The following STK4 variants were observed in gnomAD, a reference collection of about 807,000 sequenced individuals.
STK4 encodes serine/threonine-protein kinase 4.
Under a neutral mutation model 64.9 loss-of-function variants are expected in STK4, and 30 were observed. The observed-to-expected ratio is 0.46, with a 90% CI of 0.35 to 0.63. The LOEUF is 0.63. STK4 is among the 20% of genes least tolerant of loss of function. STK4 has a pLI of 0.01. For synonymous variants in STK4, 177 were observed against 199.0 expected (o/e 0.89, Z 0.93); for missense variants, 466 against 598.5 (o/e 0.78, Z 2.31).
At chr20:45,074,749 T>C (rs376669240) in intron 10 of STK4, among the ~76,000 whole-genome samples, 1 of 152,188 alleles carries the variant, frequency 6.6e-6, no homozygotes, top group East Asian at 1.9e-4. Context: ...GAGAGTATTA[T>C]TCACTAAGTT....
rs2068554891 is a variant in STK4 at position 45,038,070 on chromosome 20, A to T, written c.1305+12940A>T. On this transcript the variant is annotated intron_variant, in intron 10 of 10. Transcript: ENST00000372806. Reference sequence around the variant, plus strand: ...CTCTCCCAAAACATTTGGTGAAATTATTGTTCATTTATTTCAAAGTGACTC... The same window carrying T: ...CTCTCCCAAAACATTTGGTGAAATTTTTGTTCATTTATTTCAAAGTGACTC... Among the ~76,000 whole-genome samples the T allele has an allele frequency of 2.0e-5, 3 of 152,162 alleles. No individual in the cohort carries two copies. In the South Asian group the frequency reaches 6.2e-4, roughly 31 times the overall value.
chr20:45,046,097 G>A (rs2068690590), intron 10 of STK4, among the ~76,000 whole-genome samples: 1 of 151,914 alleles, frequency 6.6e-6, no homozygotes, highest in African/African-American at 2.4e-5. Context: ...CTGAGCCACC[G>A]CACCTAGCCA....
At chr20:44,992,681 T>C (rs1046386193) in intron 5 of STK4, among the ~76,000 whole-genome samples, 1 of 148,168 alleles carries the variant, frequency 6.7e-6, no homozygotes, top group Non-Finnish European at 1.5e-5. Flanking sequence ...TAATGTACTG[T>C]TTTTTTTTTG....
intron 3 of STK4, 97 bp downstream of exon 3, chr20:44,978,668 T>C: frequency 3.8e-6 from 5 of 1,331,682 alleles, no homozygotes; most frequent in Non-Finnish European, 5.0e-6. Context: ...CTTAGATATT[T>C]TGCAGAAGGG....
intron 10 of STK4, among the ~76,000 whole-genome samples, chr20:45,036,348 C>T (rs1321758207): frequency 2.0e-5 from 3 of 152,208 alleles, no homozygotes; most frequent in East Asian, 1.9e-4. Flanking sequence ...CGCATCATCC[C>T]GCCTGGGACA....
chr20:45,049,988 C>T (rs1241324987), intron 10 of STK4, among the ~76,000 whole-genome samples: 1 of 152,188 alleles, frequency 6.6e-6, no homozygotes, highest in Non-Finnish European at 1.5e-5. Flanking sequence ...TCAAGTTAGA[C>T]TAGATGACCT....
At chr20:44,978,867 C>A (rs1474449040) in intron 3 of STK4, among the ~76,000 whole-genome samples, 1 of 149,246 alleles carries the variant, frequency 6.7e-6, no homozygotes. Flanking sequence ...GGTGCAATCT[C>A]GGCTCATTGC....
At chr20:45,074,955 T>G in intron 10 of STK4, 63 bp from the exon 11 acceptor site, 1 of 1,600,546 alleles carries the variant, frequency 6.2e-7, no homozygotes, top group Non-Finnish European at 8.5e-7. Context: ...AAGGCTGGGC[T>G]TCTGCACTGT....
At chr20:45,071,327 G>C (rs1037674742) in intron 10 of STK4, among the ~76,000 whole-genome samples, 2 of 152,240 alleles carry the variant, frequency 1.3e-5, no homozygotes, top group African/African-American at 4.8e-5. Context: ...TTTACTGCAA[G>C]ATATTCATTT....
At chr20:44,984,321 G>T (rs1446146420) in intron 4 of STK4, among the ~76,000 whole-genome samples, 2 of 147,808 alleles carry the variant, frequency 1.4e-5, no homozygotes, top group African/African-American at 5.0e-5. Flanking sequence ...TAGCCTCCCT[G>T]GTAGCTGTAC....
intron 10 of STK4, among the ~76,000 whole-genome samples, chr20:45,066,129 T>C (rs1979544877): frequency 6.6e-6 from 1 of 151,988 alleles, no homozygotes; most frequent in Admixed American, 6.6e-5. Flanking sequence ...AAATTGTGTA[T>C]GTGTATATAT....
At chr20:44,996,550 G>T (rs2067734102) in intron 6 of STK4, among the ~76,000 whole-genome samples, 1 of 152,068 alleles carries the variant, frequency 6.6e-6, no homozygotes, top group Non-Finnish European at 1.5e-5. Context: ...CTGCTTATTT[G>T]TATAGTGTTT....
At chr20:45,029,795 A>G (rs1018679748) in intron 10 of STK4, among the ~76,000 whole-genome samples, 2 of 152,208 alleles carry the variant, frequency 1.3e-5, no homozygotes, top group Non-Finnish European at 2.9e-5. Context: ...AAAGGTTTTT[A>G]CAGTAGTATA....
At chr20:45,073,689 A>G (rs537441900) in intron 10 of STK4, among the ~76,000 whole-genome samples, 2 of 152,082 alleles carry the variant, frequency 1.3e-5, no homozygotes, top group Non-Finnish European at 2.9e-5. Flanking sequence ...ATTCATTCCC[A>G]CCCCTGACAG....
chr20:45,015,279 A>C (rs1316729399), intron 9 of STK4, among the ~76,000 whole-genome samples: 1 of 152,144 alleles, frequency 6.6e-6, no homozygotes, highest in Non-Finnish European at 1.5e-5. Flanking sequence ...CTTGACTCAG[A>C]GCCTATTTTC....
chr20:45,055,246 C>G (rs547023760), intron 10 of STK4, among the ~76,000 whole-genome samples: 1 of 152,314 alleles, frequency 6.6e-6, no homozygotes, highest in South Asian at 2.1e-4. Flanking sequence ...GTTTCATCCT[C>G]TGTGGCTCTG....
rs71197589 is a variant in STK4 at position 44,988,533 on chromosome 20, GTATATATA to G, written c.525+1265_525+1272del. Among the ~76,000 whole-genome samples, 500 of 101,598 alleles carry G rather than the reference GTATATATA, an allele frequency of 4.9e-3. 11 individuals are homozygous for G. Among genetic ancestry groups the G allele is most frequent in the African/African-American group, 0.02 (411 of 21,056 alleles). 66.7% of individuals were successfully genotyped at this position (101,598 alleles called of 152,430 possible). The stretch of plus-strand genomic sequence containing the variant: ...TGTGTGTGTATATATATGTGTGTGT[GTATATATA>G]TATATATATATATATATATATATAT... On this transcript the variant is annotated intron_variant, in intron 5 of 10. Coordinates refer to ENST00000372806, the MANE Select transcript of STK4 (RefSeq NM_006282.5).
intron 9 of STK4, among the ~76,000 whole-genome samples, chr20:45,006,862 C>T (rs761356317): frequency 3.3e-5 from 5 of 152,190 alleles, no homozygotes; most frequent in Admixed American, 6.5e-5. Context: ...CTGGCTTCCC[C>T]TTTAACAGGT....
In STK4 at chr20:44,981,869, A is replaced by G. The variant is rs775157618; in HGVS notation, c.286A>G (p.Thr96Ala). ...VKYYGSYFKN[T>A]DLWIVMEYCG... ...ATATTATGGCAGTTATTTTAAGAAC[A>G]CAGACTTATGGATCGTTATGGAGTA... Residue 96 changes from threonine (T) to alanine (A), a missense_variant, in exon 4 of 11, where the codon ACA (threonine) becomes GCA (alanine). Physicochemically the swap from Thr to Ala is moderately conservative, Grantham distance 58. Around this residue, in one of 2 missense-constraint regions of STK4, gnomAD observed 190 missense variants for 289.7 expected, o/e 0.66. Coordinates refer to ENST00000372806, the MANE Select transcript of STK4 (RefSeq NM_006282.5). The G allele has an allele frequency of 1.9e-6, 3 of 1,613,902 alleles. No individual in the cohort carries two copies. The highest frequency in any genetic ancestry group is 2.7e-5 in the African/African-American group (2 of 74,936).
Sources: gnomAD v4.1 joint callset for allele counts (sites outside exome capture counted in the v4.1 genomes callset) on GRCh38, gnomAD v4.1.1 for gene constraint, gnomAD v4.1.1 regional missense constraint, MANE v1.5 for transcripts, NCBI Gene and HGNC (gene_info 2026-07-23, HGNC 2026-07-21) for gene names.